Variants in CRTAC1 observed in about 807,000 individuals in gnomAD.
CRTAC1 encodes acidic secreted protein in cartilage.
CRTAC1 carries 37 observed loss-of-function variants against 67.8 expected under a neutral mutation model. The observed-to-expected ratio is 0.55, with a 90% confidence interval of 0.42 to 0.72. CRTAC1 has a LOEUF of 0.72. Among genes scored for constraint, CRTAC1 ranks in the 30% least tolerant of loss-of-function variants. The probability of loss-of-function intolerance (pLI) is 0.00; values close to 1 mark genes in which losing one functional copy is unlikely to be tolerated. For synonymous variants in CRTAC1, 348 were observed against 371.0 expected (o/e 0.94, Z 0.71); for missense variants, 780 against 931.6 (o/e 0.84, Z 2.12).
chr10:97,901,433 C>A, intron 8 of CRTAC1, 70 bp downstream of exon 8: 6 of 1,599,830 alleles, frequency 3.8e-6, no homozygotes, highest in Non-Finnish European at 5.1e-6. Context: ...GATTCTTAAA[C>A]CTTCTCCCTG....
intron 2 of CRTAC1, among the ~76,000 whole-genome samples, chr10:97,974,300 G>T (rs2051762632): frequency 6.6e-6 from 1 of 152,078 alleles, no homozygotes; most frequent in Non-Finnish European, 1.5e-5. Flanking sequence ...AAACCAGCAG[G>T]CTCCCCCCCT....
At chr10:97,978,990 G>C (rs1222605870) in intron 2 of CRTAC1, among the ~76,000 whole-genome samples, 1 of 152,146 alleles carries the variant, frequency 6.6e-6, no homozygotes, top group African/African-American at 2.4e-5. Context: ...AATTGTGTGT[G>C]TGATGACCTG....
At chr10:97,903,119 A>G (rs1243763773) in intron 7 of CRTAC1, among the ~76,000 whole-genome samples, 1 of 150,782 alleles carries the variant, frequency 6.6e-6, no homozygotes, top group Non-Finnish European at 1.5e-5. Context: ...TATTAGTATT[A>G]TTATTGCTCC....
At chr10:98,026,274 G>C (rs533922870) in intron 1 of CRTAC1, among the ~76,000 whole-genome samples, 1 of 152,292 alleles carries the variant, frequency 6.6e-6, no homozygotes, top group East Asian at 1.9e-4. Flanking sequence ...CCAGCAAGCG[G>C]AGACCAGATT....
Position 97,895,897 on chromosome 10 carries a change from G to A in CRTAC1, c.1305C>T (p.Phe435=). The change falls in exon 10 of 15, where the codon TTC becomes TTT. Residue 435 remains phenylalanine, a synonymous_variant. Transcript: ENST00000370597. This position sits in a 1 kb window ranked among gnomAD's most constrained non-coding sequence, Gnocchi z 4.2. ...GGTCTTAGCGCACCTGATTGCCCCGGAAGACGGACAGCGGCTGAGCCATGG... is the reference window on the plus strand; with the variant it reads ...GGTCTTAGCGCACCTGATTGCCCCGAAAGACGGACAGCGGCTGAGCCATGG... ...GESMAQPLSV[F]RGNQGFNNNW... 6.2e-7 allele frequency: 1 copy of A among 1,613,238 alleles called. No individual in the cohort carries two copies. Among genetic ancestry groups the A allele is most frequent in the Non-Finnish European group, 8.5e-7 (1 of 1,179,254 alleles).
chr10:97,881,701 G>A (rs11189418), intron 13 of CRTAC1, among the ~76,000 whole-genome samples: 10,165 of 152,274 alleles, frequency 0.067, 410 homozygotes, highest in Middle Eastern at 0.12. Flanking sequence ...TGTTTGGAGT[G>A]GGGCTGGGTG....
rs1212782525 is a variant in CRTAC1 at position 98,030,267 on chromosome 10, C to T, written c.24+182G>A. Among the ~76,000 whole-genome samples, 5 of 152,108 alleles carry T rather than the reference C, an allele frequency of 3.3e-5. No homozygotes were observed. Among genetic ancestry groups the T allele is most frequent in the Non-Finnish European group, 5.9e-5 (4 of 67,984 alleles). ...CCCCCAGCCCGCGGGGGAGGCTCCGCGCGCCAATCGAGTCCAGCGCCTCCC... is the reference window on the plus strand; with the variant it reads ...CCCCCAGCCCGCGGGGGAGGCTCCGTGCGCCAATCGAGTCCAGCGCCTCCC... On this transcript the variant is annotated intron_variant, in intron 1 of 14. Coordinates refer to ENST00000370597, the MANE Select transcript of CRTAC1 (RefSeq NM_018058.7). The surrounding 1 kb of genome is among the most constrained non-coding windows in gnomAD (Gnocchi z 4.2).
intron 2 of CRTAC1, among the ~76,000 whole-genome samples, chr10:97,991,120 AAAAAAAAG>A (rs56952662): frequency 0.029 from 4,161 of 145,188 alleles, 234 homozygotes; most frequent in African/African-American, 0.1. Context: ...AAAAAAAAAA[AAAAAAAAG>A]ATTATCTCAG....
At chr10:97,872,773 C>A (rs1048185941) in intron 14 of CRTAC1, among the ~76,000 whole-genome samples, 1 of 152,172 alleles carries the variant, frequency 6.6e-6, no homozygotes, top group African/African-American at 2.4e-5. Flanking sequence ...TACCGATCGC[C>A]CCTGGGCTCC....
intron 2 of CRTAC1, among the ~76,000 whole-genome samples, chr10:97,996,302 C>T (rs1217758710): frequency 6.6e-6 from 1 of 150,658 alleles, no homozygotes; most frequent in African/African-American, 2.4e-5. Flanking sequence ...AGGCAACCTA[C>T]AAAATGGGAG....
intron 2 of CRTAC1, among the ~76,000 whole-genome samples, chr10:98,005,307 G>A (rs1266808774): frequency 6.6e-6 from 1 of 150,416 alleles, no homozygotes; most frequent in Non-Finnish European, 1.5e-5. Flanking sequence ...GTTTTATCAT[G>A]TTGGCCAGGC....
chr10:97,875,606 C>T (rs1475047479), intron 14 of CRTAC1, among the ~76,000 whole-genome samples: 1 of 152,160 alleles, frequency 6.6e-6, no homozygotes, highest in Non-Finnish European at 1.5e-5. Context: ...GAAGACTGGC[C>T]CTGGGCACAG....
intron 2 of CRTAC1, among the ~76,000 whole-genome samples, chr10:97,979,009 T>A (rs2051850901): frequency 6.6e-6 from 1 of 151,990 alleles, no homozygotes; most frequent in African/African-American, 2.4e-5. Context: ...TGTGACTGAG[T>A]GAGGAGATGG....
intron 2 of CRTAC1, among the ~76,000 whole-genome samples, chr10:97,953,601 G>A (rs1378722013): frequency 7.2e-5 from 11 of 152,120 alleles, no homozygotes; most frequent in African/African-American, 9.7e-5. Context: ...CGTCATCTGC[G>A]TCTGTAGTTG....
chr10:97,896,852 A>G, intron 9 of CRTAC1, 57 bp downstream of exon 9: 4 of 283,706 alleles, frequency 1.4e-5, no homozygotes, highest in South Asian at 1.0e-4. Flanking sequence ...CCCTCACCCC[A>G]GTGTATGAAC....
intron 11 of CRTAC1, among the ~76,000 whole-genome samples, chr10:97,890,090 TACACACAC>T (rs56001448): frequency 1.9e-3 from 292 of 150,464 alleles, no homozygotes; most frequent in African/African-American, 6.3e-3. Flanking sequence ...CCAGGATGTG[TACACACAC>T]ACACACACAC....
intron 8 of CRTAC1, 105 bp downstream of exon 8, chr10:97,901,398 C>A: frequency 7.0e-7 from 1 of 1,426,664 alleles, no homozygotes; most frequent in South Asian, 1.3e-5. Flanking sequence ...GCCTGACCCC[C>A]TGGCCCTGGG....
intron 11 of CRTAC1, among the ~76,000 whole-genome samples, chr10:97,889,130 AG>A (rs1564879238): frequency 2.9e-3 from 6 of 2,054 alleles, no homozygotes; most frequent in East Asian, 0.02. Context: ...GCGGGAGGGA[AG>A]GGGGGGAGGG....
At position 97,983,321 on chromosome 10, in the gene CRTAC1, A is replaced by G. The variant is rs562978308; in HGVS notation, c.224+27817T>C. 3.9e-5 allele frequency among the ~76,000 whole-genome samples: 6 copies of G among 152,102 alleles called. No homozygotes were observed. In the East Asian group the frequency reaches 1.2e-3, roughly 29 times the overall value. ...TACATTCAAGAAGACAGGTTTAGAG[A>G]GGTTAAATAATCTGTCCAAGGTCAG... On this transcript the variant is annotated intron_variant, in intron 2 of 14. Transcript: ENST00000370597.
Sources: allele counts gnomAD v4.1 joint callset (sites outside exome capture counted in the v4.1 genomes callset), GRCh38; gene constraint gnomAD v4.1.1; non-coding constraint Gnocchi (gnomAD v3.1); transcripts MANE v1.5; gene names NCBI Gene and HGNC (gene_info 2026-07-23, HGNC 2026-07-21).